Variants in CRYL1 observed in about 807,000 individuals in gnomAD.
CRYL1 encodes crystallin lambda 1.
CRYL1 carries 29 observed loss-of-function variants against 36.6 expected under a neutral mutation model. The observed-to-expected ratio is 0.79, with a 90% confidence interval of 0.59 to 1.08. The LOEUF is 1.08. CRYL1 is among the 50% of genes least tolerant of loss of function. The pLI, the probability that CRYL1 is intolerant of heterozygous loss-of-function variation, is 0.00. For missense variants in CRYL1, 411 were observed against 407.9 expected (o/e 1.01, Z -0.06); for synonymous variants, 152 against 151.5 (o/e 1.00, Z -0.02).
intron 3 of CRYL1, among the ~76,000 whole-genome samples, chr13:20,473,565 C>T (rs1480105955): frequency 5.3e-5 from 8 of 152,236 alleles, no homozygotes; most frequent in Non-Finnish European, 2.9e-5. Flanking sequence ...AGAGGGCACA[C>T]TTGGATGCCA....
chr13:20,505,538 A>T (rs1218734414), intron 2 of CRYL1, among the ~76,000 whole-genome samples: 2 of 152,152 alleles, frequency 1.3e-5, no homozygotes, highest in Non-Finnish European at 2.9e-5. Flanking sequence ...TCAGGCTAGC[A>T]GGTTCAGGCT....
At chr13:20,493,038 G>A (rs935422211) in intron 2 of CRYL1, among the ~76,000 whole-genome samples, 1 of 152,182 alleles carries the variant, frequency 6.6e-6, no homozygotes, top group Non-Finnish European at 1.5e-5. Flanking sequence ...TGATGTAGCT[G>A]TTAGAGAACT....
chr13:20,461,510 T>C (rs1171473905), intron 3 of CRYL1, among the ~76,000 whole-genome samples: 2 of 152,212 alleles, frequency 1.3e-5, no homozygotes, highest in Non-Finnish European at 2.9e-5. Flanking sequence ...TAAAAAGACC[T>C]GGCAGCTCTG....
At chr13:20,419,579 A>C (rs2031751766) in intron 5 of CRYL1, among the ~76,000 whole-genome samples, 1 of 152,146 alleles carries the variant, frequency 6.6e-6, no homozygotes, top group Non-Finnish European at 1.5e-5. Context: ...GGTGTGAGCC[A>C]CCACATCTGG....
chr13:20,522,540 A>C (rs555637623), intron 1 of CRYL1, among the ~76,000 whole-genome samples: 3 of 152,134 alleles, frequency 2.0e-5, no homozygotes, highest in Non-Finnish European at 2.9e-5. Context: ...TCTGTTACAA[A>C]CGCTCAACTA....
chr13:20,419,738 C>T (rs2137374045), intron 5 of CRYL1, among the ~76,000 whole-genome samples: 1 of 152,306 alleles, frequency 6.6e-6, no homozygotes, highest in East Asian at 1.9e-4. Flanking sequence ...TTGAGAACTA[C>T]CACAATGATT....
chr13:20,406,836 G>A (rs113345626), intron 6 of CRYL1, among the ~76,000 whole-genome samples: 2,969 of 151,584 alleles, frequency 0.02, 94 homozygotes, highest in African/African-American at 0.067. Context: ...GCAGGCAGGC[G>A]CCCTCACGAG....
At chr13:20,484,773 CAT>C (rs1565979690) in intron 3 of CRYL1, among the ~76,000 whole-genome samples, 1 of 152,106 alleles carries the variant, frequency 6.6e-6, no homozygotes, top group Non-Finnish European at 1.5e-5. Flanking sequence ...GAAGTGGAAA[CAT>C]ATAAATACAC....
At chr13:20,469,555 G>T (rs1177366296) in intron 3 of CRYL1, among the ~76,000 whole-genome samples, 1 of 152,214 alleles carries the variant, frequency 6.6e-6, no homozygotes, top group Non-Finnish European at 1.5e-5. Context: ...GAGGCTGGGA[G>T]GGACTCGGGG....
intron 3 of CRYL1, among the ~76,000 whole-genome samples, chr13:20,466,493 C>T (rs1228162396): frequency 6.6e-6 from 1 of 152,192 alleles, no homozygotes; most frequent in African/African-American, 2.4e-5. Flanking sequence ...ACAACAGATA[C>T]TTCACATCCA....
intron 3 of CRYL1, among the ~76,000 whole-genome samples, chr13:20,466,716 G>A (rs1206853941): frequency 6.6e-6 from 1 of 151,884 alleles, no homozygotes; most frequent in Non-Finnish European, 1.5e-5. Context: ...GTGTGTAGTT[G>A]AAGTTGCACC....
intron 2 of CRYL1, among the ~76,000 whole-genome samples, chr13:20,498,595 T>C (rs1021444338): frequency 6.6e-6 from 1 of 152,272 alleles, no homozygotes; most frequent in African/African-American, 2.4e-5. Context: ...TTATTTATAA[T>C]GTTTTATTAA....
At chr13:20,487,325 T>G (rs1017289581) in intron 3 of CRYL1, among the ~76,000 whole-genome samples, 1 of 151,798 alleles carries the variant, frequency 6.6e-6, no homozygotes, top group Admixed American at 6.6e-5. Context: ...AACATCTAAA[T>G]GTTTGAGAAT....
At chr13:20,502,296 G>T in intron 2 of CRYL1, 1 of 152,580 alleles carries the variant, frequency 6.6e-6, no homozygotes, top group Non-Finnish European at 1.5e-5. Context: ...CTGCCTGCCT[G>T]GATCCACGCC....
chr13:20,440,938 C>T (rs769927333), intron 3 of CRYL1, among the ~76,000 whole-genome samples: 7 of 152,138 alleles, frequency 4.6e-5, no homozygotes, highest in African/African-American at 1.4e-4. Context: ...GGTCCACAGG[C>T]GAGGTGTTCC....
chr13:20,524,246 G>A (rs149870143), intron 1 of CRYL1, among the ~76,000 whole-genome samples: 3 of 152,256 alleles, frequency 2.0e-5, no homozygotes, highest in African/African-American at 7.2e-5. Context: ...GTGTGTGCGC[G>A]TGCGCGCACG....
chr13:20,456,250 T>C (rs1593456174), intron 3 of CRYL1, among the ~76,000 whole-genome samples: 2 of 151,728 alleles, frequency 1.3e-5, no homozygotes, highest in Admixed American at 6.6e-5. Flanking sequence ...GAGGCGGGCG[T>C]ATCACCTGAA....
intron 1 of CRYL1, among the ~76,000 whole-genome samples, chr13:20,522,915 T>TTTTC (rs1343754795): frequency 1.9e-5 from 2 of 106,504 alleles, no homozygotes; most frequent in Non-Finnish European, 3.5e-5. Flanking sequence ...TTTCTACTTT[T>TTTTC]TTTTTTTTTT....
At chr13:20,460,576 A>G (rs1336852736) in intron 3 of CRYL1, among the ~76,000 whole-genome samples, 1 of 114,030 alleles carries the variant, frequency 8.8e-6, no homozygotes, top group Non-Finnish European at 1.6e-5. Context: ...CCCAGGCTGG[A>G]GTGCAGTGGC....
Sources: gnomAD v4.1 joint callset for allele counts (sites outside exome capture counted in the v4.1 genomes callset) on GRCh38, gnomAD v4.1.1 for gene constraint, MANE v1.5 for transcripts, NCBI Gene and HGNC (gene_info 2026-07-23, HGNC 2026-07-21) for gene names.